Variants in PVT1 observed in about 807,000 individuals in gnomAD.
PVT1 encodes the protein Pvt1 oncogene.
intron 2 of PVT1, among the ~76,000 whole-genome samples, chr8:127,816,786 T>G (rs774451600): frequency 3.3e-5 from 5 of 152,138 alleles, no homozygotes; most frequent in Non-Finnish European, 7.4e-5. Flanking sequence ...GGCCTCCCGT[T>G]TGTATTCTTA....
chr8:127,907,107 T>C (rs1815832090), intron 3 of PVT1, among the ~76,000 whole-genome samples: 1 of 152,112 alleles, frequency 6.6e-6, no homozygotes, highest in South Asian at 2.1e-4. Flanking sequence ...TTTGCAGGCA[T>C]GTGCCACCGC....
At chr8:128,085,784 T>C (rs1037877031) in intron 5 of PVT1, among the ~76,000 whole-genome samples, 3 of 152,252 alleles carry the variant, frequency 2.0e-5, no homozygotes, top group Non-Finnish European at 2.9e-5. Flanking sequence ...AAAAGATGTA[T>C]GTCTTAGCAT....
chr8:127,924,874 C>T (rs1816110364), intron 3 of PVT1, among the ~76,000 whole-genome samples: 1 of 151,806 alleles, frequency 6.6e-6, no homozygotes, highest in Non-Finnish European at 1.5e-5. Context: ...TCTTGAACTC[C>T]TGGCCTTAAG....
chr8:128,064,268 A>G (rs1341991631), intron 4 of PVT1, among the ~76,000 whole-genome samples: 4 of 152,176 alleles, frequency 2.6e-5, no homozygotes. Context: ...CCGGGCCTGG[A>G]GGAGGGGCTC....
chr8:128,029,227 A>G (rs1341953260), intron 4 of PVT1, among the ~76,000 whole-genome samples: 1 of 152,018 alleles, frequency 6.6e-6, no homozygotes, highest in Non-Finnish European at 1.5e-5. Flanking sequence ...AGCTCAAGCA[A>G]TCCTCCTACC....
At chr8:128,061,022 G>A (rs1474575988) in intron 4 of PVT1, among the ~76,000 whole-genome samples, 3 of 149,594 alleles carry the variant, frequency 2.0e-5, no homozygotes, top group African/African-American at 4.9e-5. Context: ...TGATTCTCCT[G>A]CCTCAGCCTC....
intron 3 of PVT1, among the ~76,000 whole-genome samples, chr8:127,953,246 T>C (rs1816528586): frequency 1.3e-5 from 2 of 152,288 alleles, no homozygotes; most frequent in South Asian, 4.1e-4. Context: ...TGGAGTATCT[T>C]GGCCCCGATC....
chr8:127,907,606 A>G (rs1250520012), intron 3 of PVT1, among the ~76,000 whole-genome samples: 1 of 152,154 alleles, frequency 6.6e-6, no homozygotes, highest in Non-Finnish European at 1.5e-5. Context: ...GGAGGAAAAC[A>G]CCACTGAAAT....
At chr8:127,818,281 A>G (rs1814689448) in intron 2 of PVT1, among the ~76,000 whole-genome samples, 1 of 152,104 alleles carries the variant, frequency 6.6e-6, no homozygotes, top group Non-Finnish European at 1.5e-5. Flanking sequence ...CCTTTCAAAA[A>G]CAGATAAACT....
chr8:128,093,706 C>T (rs1399732815), intron 5 of PVT1, among the ~76,000 whole-genome samples: 1 of 151,936 alleles, frequency 6.6e-6, no homozygotes, highest in Admixed American at 6.5e-5. Flanking sequence ...AGCACAGTCT[C>T]GGCTCACTGC....
chr8:128,086,902 G>A (rs1251200002), intron 5 of PVT1, among the ~76,000 whole-genome samples: 2 of 152,196 alleles, frequency 1.3e-5, no homozygotes, highest in Non-Finnish European at 2.9e-5. Flanking sequence ...AGTTTCTTGA[G>A]GTTCTGGAGT....
chr8:128,071,976 T>A (rs1428822076), intron 5 of PVT1, among the ~76,000 whole-genome samples: 1 of 152,198 alleles, frequency 6.6e-6, no homozygotes, highest in Non-Finnish European at 1.5e-5. Flanking sequence ...ATGATAATAG[T>A]ATATTGCACC....
chr8:127,980,581 C>T (rs961632473), intron 3 of PVT1, among the ~76,000 whole-genome samples: 3 of 152,232 alleles, frequency 2.0e-5, no homozygotes, highest in East Asian at 3.9e-4. Flanking sequence ...CACCTCTGGG[C>T]GCACCTGTCC....
intron 3 of PVT1, among the ~76,000 whole-genome samples, chr8:127,913,909 A>T (rs4380893): frequency 7.2e-5 from 11 of 151,948 alleles, no homozygotes; most frequent in African/African-American, 2.7e-4. Context: ...GGCCACACAC[A>T]TGGCTGTCTG....
At chr8:127,852,784 C>T (rs555240997) in intron 2 of PVT1, among the ~76,000 whole-genome samples, 9 of 152,290 alleles carry the variant, frequency 5.9e-5, no homozygotes, top group Non-Finnish European at 1.2e-4. Context: ...AGCCTGGTAC[C>T]CGCTGTTCTC....
chr8:127,881,600 G>A (rs972600957), intron 2 of PVT1, among the ~76,000 whole-genome samples: 4 of 151,664 alleles, frequency 2.6e-5, no homozygotes, highest in Non-Finnish European at 5.9e-5. Flanking sequence ...GAGATTACAG[G>A]TGCCCGCCAC....
chr8:127,991,335 G>A (rs555893762), intron 4 of PVT1, among the ~76,000 whole-genome samples: 4 of 151,816 alleles, frequency 2.6e-5, no homozygotes, highest in Admixed American at 1.3e-4. Flanking sequence ...TATTAGAGAC[G>A]GGGTTTCACT....
chr8:127,925,390 T>C (rs1816117276), intron 3 of PVT1, among the ~76,000 whole-genome samples: 1 of 152,198 alleles, frequency 6.6e-6, no homozygotes, highest in Non-Finnish European at 1.5e-5. Flanking sequence ...CATCATGTGA[T>C]TAAGGCCAAA....
intron 5 of PVT1, among the ~76,000 whole-genome samples, chr8:128,075,635 T>C (rs1164516892): frequency 6.6e-6 from 1 of 152,220 alleles, no homozygotes; most frequent in Non-Finnish European, 1.5e-5. Context: ...TTCTAATTCA[T>C]TTAAGTGTAT....
Sources: allele counts gnomAD v4.1 joint callset (sites outside exome capture counted in the v4.1 genomes callset), GRCh38; gene constraint gnomAD v4.1.1; transcripts MANE v1.5; gene names NCBI Gene and HGNC (gene_info 2026-07-23, HGNC 2026-07-21).